Variants in TRMT11 observed in about 807,000 individuals in gnomAD.
TRMT11 encodes tRNA (guanine(10)-N(2))-methyltransferase TRMT11.
Under a neutral mutation model 62.8 loss-of-function variants are expected in TRMT11, and 53 were observed. The ratio of observed to expected loss-of-function variants is 0.84; its 90% CI spans 0.68 to 1.06. The LOEUF (loss-of-function observed/expected upper bound fraction) is 1.06, where lower values mean the gene tolerates loss of function less well. Ranked by LOEUF, TRMT11 falls within the 50% of genes least tolerant of loss-of-function variation. The pLI, the probability that TRMT11 is intolerant of heterozygous loss-of-function variation, is 0.00. For missense variants in TRMT11, 556 were observed against 553.4 expected, an observed-to-expected ratio of 1.00 and a Z score of -0.05; for synonymous variants, 188 against 190.3, an observed-to-expected ratio of 0.99 and a Z score of 0.10.
the TRMT11 span, among the ~76,000 whole-genome samples, chr6:126,248,039 G>A: frequency 2.6e-4 from 39 of 151,936 alleles, no homozygotes; most frequent in Non-Finnish European, 4.6e-4. Context: ...AAGAGATACC[G>A]TATGCTTGAA....
chr6:126,261,633 C>T, the TRMT11 span, among the ~76,000 whole-genome samples: 8 of 152,178 alleles, frequency 5.3e-5, no homozygotes, highest in East Asian at 1.9e-4. Context: ...TAGTGAGGTA[C>T]GGTGCATTGA....
chr6:126,038,012 A>C (rs1389735317), intron 12 of TRMT11, among the ~76,000 whole-genome samples: 1 of 152,038 alleles, frequency 6.6e-6, no homozygotes, highest in Non-Finnish European at 1.5e-5. Context: ...ATGAGAAGCC[A>C]GTGTTTCAGT....
At chr6:126,150,725 C>T (rs371848668) in intron 21 of TRMT11, among the ~76,000 whole-genome samples, 53 of 152,236 alleles carry the variant, frequency 3.5e-4, no homozygotes, top group African/African-American at 1.2e-3. Context: ...AGTGTTTCAG[C>T]GGCCATTAAA....
chr6:126,128,323 G>T (rs1777741279), intron 21 of TRMT11, among the ~76,000 whole-genome samples: 1 of 151,998 alleles, frequency 6.6e-6, no homozygotes, highest in Admixed American at 6.6e-5. Flanking sequence ...CAAATTGGTA[G>T]AGAAAAGATA....
chr6:126,072,820 GAC>G (rs1447465387), intron 17 of TRMT11, among the ~76,000 whole-genome samples: 1 of 151,986 alleles, frequency 6.6e-6, no homozygotes, highest in African/African-American at 2.4e-5. Context: ...TTCTTATAAG[GAC>G]ACTAATTCCA....
At chr6:126,149,807 C>T (rs973890435) in intron 21 of TRMT11, among the ~76,000 whole-genome samples, 2 of 152,152 alleles carry the variant, frequency 1.3e-5, no homozygotes, top group Non-Finnish European at 1.5e-5. Context: ...CAGGACTATA[C>T]AACTGAAGAA....
the TRMT11 span, among the ~76,000 whole-genome samples, chr6:126,246,356 A>T: frequency 1.2e-4 from 18 of 152,336 alleles, no homozygotes; most frequent in Non-Finnish European, 2.2e-4. Flanking sequence ...CTCATTCTAG[A>T]TCCCTTCAGC....
At chr6:126,048,488 G>T (rs765488780) in intron 16 of TRMT11, among the ~76,000 whole-genome samples, 4 of 152,162 alleles carry the variant, frequency 2.6e-5, no homozygotes, top group Non-Finnish European at 4.4e-5. Context: ...GAAACAAATT[G>T]TGGCGGCTGA....
At chr6:126,245,030 T>C in the TRMT11 span, among the ~76,000 whole-genome samples, 1 of 152,248 alleles carries the variant, frequency 6.6e-6, no homozygotes, top group African/African-American at 2.4e-5. Context: ...GGTTTTCTGT[T>C]TAAAATATTT....
At chr6:126,240,295 G>C in the TRMT11 span, among the ~76,000 whole-genome samples, 4 of 152,162 alleles carry the variant, frequency 2.6e-5, no homozygotes, top group Non-Finnish European at 5.9e-5. Flanking sequence ...TTGATTTTTA[G>C]AGTTTCCAGT....
At chr6:126,045,369 A>T (rs748330564) in intron 16 of TRMT11, among the ~76,000 whole-genome samples, 3 of 152,118 alleles carry the variant, frequency 2.0e-5, no homozygotes, top group Non-Finnish European at 2.9e-5. Context: ...TGAGGATGGG[A>T]TGCTGACAGA....
At chr6:126,133,146 T>C (rs1349550064) in intron 21 of TRMT11, among the ~76,000 whole-genome samples, 3 of 151,998 alleles carry the variant, frequency 2.0e-5, no homozygotes, top group South Asian at 2.1e-4. Flanking sequence ...AAATTGAGAA[T>C]GTACAAGGTT....
rs1019236217 is a variant in TRMT11 at position 125,995,816 on chromosome 6, A to G, written c.139-151A>G. 3.9e-5 allele frequency: 24 copies of G among 618,892 alleles called. No individual in the cohort carries two copies. In the Admixed American group the frequency reaches 4.7e-4, roughly 12 times the overall value. The allele number at this position is 618,892 out of a possible 1,614,324, so 38.3% of individuals were successfully genotyped here. On this transcript the variant is annotated intron_variant, in intron 2 of 12. Transcript: ENST00000334379. ...TATTATTCTAATTTACTTTTTTACT[A>G]TTGGAACGATTTTTATTTTGGTTAC...
chr6:126,151,806 TTTTCTTTCTTTCTTTCTTTCTTTCTTTC>T (rs754465295), intron 21 of TRMT11, among the ~76,000 whole-genome samples: 30 of 86,948 alleles, frequency 3.5e-4, no homozygotes, highest in African/African-American at 6.2e-4. Flanking sequence ...CCTCTCTGTC[TTTTCTTTCTTTCTTTCTTTCTTTCTTTC>T]TTTCTTTCTT....
chr6:126,262,367 C>T, the TRMT11 span, among the ~76,000 whole-genome samples: 196 of 152,238 alleles, frequency 1.3e-3, 4 homozygotes, highest in Admixed American at 0.01. Context: ...ATACCTGTTC[C>T]CTTAGGGGTG....
At chr6:126,151,838 C>G (rs571705033) in intron 21 of TRMT11, among the ~76,000 whole-genome samples, 11 of 129,586 alleles carry the variant, frequency 8.5e-5, no homozygotes, top group African/African-American at 3.3e-4. Context: ...TTCTTTCTTT[C>G]TTTCTTTCTT....
chr6:126,172,479 T>G (rs1188197332), upstream of TRMT11, among the ~76,000 whole-genome samples: 14 of 152,226 alleles, frequency 9.2e-5, no homozygotes, highest in East Asian at 2.7e-3. Context: ...CCGGTAGTTA[T>G]GTGATTTTTA....
At chr6:126,029,863 G>C (rs1169211467) in intron 12 of TRMT11, among the ~76,000 whole-genome samples, 1 of 152,144 alleles carries the variant, frequency 6.6e-6, no homozygotes, top group African/African-American at 2.4e-5. Context: ...ATGTTGTCAT[G>C]ATAAGGACTA....
the TRMT11 span, among the ~76,000 whole-genome samples, chr6:126,263,917 T>G: frequency 6.6e-6 from 1 of 152,346 alleles, no homozygotes. Context: ...AAAATTATAT[T>G]TTAATCTTCC....
Sources: allele counts gnomAD v4.1 joint callset (sites outside exome capture counted in the v4.1 genomes callset), GRCh38; gene constraint gnomAD v4.1.1; transcripts MANE v1.5; gene names NCBI Gene and HGNC (gene_info 2026-07-23, HGNC 2026-07-21).